Variants in KLK8 observed in about 807,000 individuals in gnomAD.
KLK8 encodes kallikrein related peptidase 8, also known as kallikrein-8.
KLK8 carries 18 observed loss-of-function variants against 26.7 expected under a neutral mutation model. The observed-to-expected ratio is 0.67, with a 90% CI of 0.47 to 1.00. The LOEUF is 1.00. KLK8 is among the 50% of genes least tolerant of loss of function. The pLI is 0.00. For missense variants in KLK8, 301 were observed against 331.7 expected (o/e 0.91, Z 0.72); for synonymous variants, 137 against 127.1 (o/e 1.08, Z -0.52).
chr19:51,000,485 G>A (rs1472780613), exon 4 of KLK8: 3 of 1,613,976 alleles, frequency 1.9e-6, no homozygotes, highest in Non-Finnish European at 2.5e-6. Context: ...CCGCCACAGA[G>A]TAGTTGCTGG....
At chr19:51,001,284 G>C in intron 2 of KLK8, 109 bp from the exon 2 acceptor site, 1 of 898,084 alleles carries the variant, frequency 1.1e-6, no homozygotes, top group Non-Finnish European at 1.8e-6. Context: ...GCTGTTCTGG[G>C]CTTCTCTGGA....
At chr19:51,000,060 A>G in exon 5 of KLK8, 1 of 1,613,708 alleles carries the variant, frequency 6.2e-7, no homozygotes, top group Non-Finnish European at 8.5e-7. Context: ...GGGTGCAATG[A>G]TCTGCCAGGC....
intron 5 of KLK8, among the ~76,000 whole-genome samples, chr19:50,999,579 C>CGT (rs2091200301): frequency 3.0e-5 from 1 of 33,636 alleles, no homozygotes; most frequent in African/African-American, 1.7e-4. Flanking sequence ...ACTGTGTCCC[C>CGT]CTGCAAAAAA....
intron 3 of KLK8, 96 bp downstream of exon 2, chr19:51,001,002 G>C: frequency 8.6e-7 from 1 of 1,159,270 alleles, no homozygotes; most frequent in Admixed American, 2.0e-5. Context: ...CCGTGCACAC[G>C]CACCCACATA....
chr19:50,997,119 G>A (rs532842284), intron 6 of KLK8, among the ~76,000 whole-genome samples: 2 of 152,172 alleles, frequency 1.3e-5, no homozygotes. Flanking sequence ...GGGCTTCCAG[G>A]AAGTGGACAA....
chr19:51,001,509 A>C (rs1227600944), intron 2 of KLK8, 23 bp downstream of exon 1: 3 of 271,830 alleles, frequency 1.1e-5, no homozygotes, highest in Non-Finnish European at 2.1e-5. Context: ...TGATGTCTGT[A>C]TCTGAGTACC....
rs562153693 is a variant in KLK8, at chr19:51,001,008, A to G, written c.70+90T>C. On this transcript the variant is annotated intron_variant, in intron 3 of 6. Transcript: ENST00000600767. ...TCTTCACATCCGTGCACACGCACCC[A>G]CATAACCCCCGCGGCATTCCCACAG... 1.6e-5 allele frequency: 20 copies of G among 1,239,292 alleles called. No homozygotes were observed. The African/African-American group carries it at 1.9e-4, about 12-fold the overall frequency. 76.8% of individuals were successfully genotyped at this position (1,239,292 alleles called of 1,614,324 possible). A position where few individuals can be genotyped will look rare whatever the true frequency, so the allele number is the denominator to read the frequency against.
intron 5 of KLK8, among the ~76,000 whole-genome samples, chr19:50,999,583 CAAAAAAAAAAAAAAAAAAA>C (rs56988162): frequency 0.014 from 426 of 30,252 alleles, 3 homozygotes; most frequent in South Asian, 0.076. Context: ...TGTCCCCCTG[CAAAAAAAAAAAAAAAAAAA>C]AAAAAAAAAA....
intron 6 of KLK8, among the ~76,000 whole-genome samples, chr19:50,996,923 C>G (rs972985547): frequency 3.3e-5 from 5 of 151,312 alleles, no homozygotes; most frequent in African/African-American, 1.2e-4. Flanking sequence ...CACACACACA[C>G]ACACACACAC....
At chr19:50,997,967 C>A in intron 5 of KLK8, 83 bp from the exon 5 acceptor site, 1 of 1,562,714 alleles carries the variant, frequency 6.4e-7, no homozygotes, top group Non-Finnish European at 8.7e-7. Context: ...CCTTTCTTTC[C>A]AGGATGTAAT....
chr19:50,999,439 C>T (rs10401897), intron 5 of KLK8, among the ~76,000 whole-genome samples: 5,902 of 151,122 alleles, frequency 0.039, 226 homozygotes, highest in African/African-American at 0.094. Context: ...AATTAGCTCG[C>T]GTGGTGGCGG....
intron 6 of KLK8, among the ~76,000 whole-genome samples, chr19:50,996,504 C>T (rs1377987053): frequency 6.6e-6 from 1 of 151,906 alleles, no homozygotes; most frequent in Non-Finnish European, 1.5e-5. Context: ...GAGGCCGAGG[C>T]GGTAGATCAC....
chr19:50,997,146 T>C (rs971966848), intron 6 of KLK8, among the ~76,000 whole-genome samples: 2 of 152,100 alleles, frequency 1.3e-5, no homozygotes, highest in African/African-American at 4.8e-5. Context: ...GGGAAAGTGC[T>C]AGGAACAACG....
exon 2 of KLK8, chr19:51,001,545 G>A (rs2091227372): frequency 4.9e-6 from 1 of 202,376 alleles, no homozygotes; most frequent in South Asian, 1.1e-4. Flanking sequence ...CCAGAATCCA[G>A]GGGCGGGGTC....
intron 2 of KLK8, 88 bp downstream of exon 1, chr19:51,001,444 G>A (rs1000817589): frequency 5.7e-5 from 26 of 458,226 alleles, no homozygotes; most frequent in Non-Finnish European, 5.2e-5. Flanking sequence ...GATCTCGACA[G>A]AGAAGGGCAT....
chr19:50,999,915 G>T (rs1052934193), intron 5 of KLK8, 81 bp downstream of exon 4: 7 of 1,431,292 alleles, frequency 4.9e-6, no homozygotes, highest in Non-Finnish European at 5.7e-6. Context: ...CCCTCTGGGG[G>T]ACCAAGCTTT....
chr19:50,998,765 A>G (rs1477830259), intron 5 of KLK8, among the ~76,000 whole-genome samples: 1 of 152,208 alleles, frequency 6.6e-6, no homozygotes, highest in Non-Finnish European at 1.5e-5. Context: ...AGCATCTACC[A>G]TGTAGCAGGC....
chr19:50,999,942 C>T, intron 5 of KLK8, 54 bp downstream of exon 4: 1 of 1,533,832 alleles, frequency 6.5e-7, no homozygotes, highest in Non-Finnish European at 8.8e-7. Context: ...AGCTTGGGTT[C>T]CACTGGGCCA....
chr19:50,996,454 A>C (rs577985098), intron 6 of KLK8, among the ~76,000 whole-genome samples: 1 of 151,706 alleles, frequency 6.6e-6, no homozygotes, highest in South Asian at 2.1e-4. Context: ...GAAATCCCAG[A>C]CAGGCTTGGT....
Sources: gnomAD v4.1 joint callset for allele counts (sites outside exome capture counted in the v4.1 genomes callset) on GRCh38, gnomAD v4.1.1 for gene constraint, MANE v1.5 for transcripts, NCBI Gene and HGNC (gene_info 2026-07-23, HGNC 2026-07-21) for gene names.